Variants in PRAM1 observed in about 807,000 individuals in gnomAD.
The protein encoded by PRAM1 is PML-RARA-regulated adapter molecule 1.
A neutral mutation model predicts 55.3 loss-of-function variants in PRAM1; 41 were observed. That is an observed-to-expected ratio of 0.74 (90% CI 0.58 to 0.96). The LOEUF is 0.96. Ranked by LOEUF, PRAM1 falls within the 40% of genes least tolerant of loss-of-function variation. The pLI is 0.00. For synonymous variants in PRAM1, 401 were observed against 387.1 expected, an observed-to-expected ratio of 1.04 and a Z score of -0.42; for missense variants, 898 against 892.7, an observed-to-expected ratio of 1.01 and a Z score of -0.08.
chr19:8,494,270 T>G (rs7508201), intron 4 of PRAM1, among the ~76,000 whole-genome samples: 117,669 of 152,068 alleles, frequency 0.77, 46,117 homozygotes, highest in African/African-American at 0.88. Flanking sequence ...CTGGGAGTGG[T>G]TGGAGGCAGG....
At position 8,493,765 on chromosome 19, in the gene PRAM1, A is replaced by T. The variant is rs1313575189; in HGVS notation, c.1577-2608T>A. On this transcript the variant is annotated intron_variant, in intron 4 of 9. Coordinates refer to ENST00000423345, the MANE Select transcript of PRAM1 (RefSeq NM_032152.5). This position sits in a 1 kb window ranked among gnomAD's most constrained non-coding sequence, Gnocchi z 4.1. ...CAGTGAGAAGCCCACGCCACTCCTG[A>T]GAAGCGGGAGATCCAGGGAAGTGGG... Among the ~76,000 whole-genome samples, 1 of 151,988 alleles carries T rather than the reference A, an allele frequency of 6.6e-6. No individual in the cohort carries two copies. The highest frequency in any genetic ancestry group is 2.4e-5 in the African/African-American group (1 of 41,386).
rs1406986944 is a variant in PRAM1, at chr19:8,501,901, G to C, written c.27+664C>G. Among the ~76,000 whole-genome samples the C allele has an allele frequency of 2.0e-5, 3 of 152,150 alleles. No homozygotes were observed. The East Asian group carries it at 5.8e-4, about 29-fold the overall frequency. ...TGGCCCTGCAACCACTCCTCACAGA[G>C]GTAGGCAGATTCACAAGAAGGCCAG... is the stretch of plus-strand genomic sequence containing the variant. On this transcript the variant is annotated intron_variant, in intron 1 of 9. Coordinates refer to ENST00000423345, the MANE Select transcript of PRAM1 (RefSeq NM_032152.5).
At chr19:8,492,531 AC>A (rs2145785964) in intron 4 of PRAM1, among the ~76,000 whole-genome samples, 1 of 151,652 alleles carries the variant, frequency 6.6e-6, no homozygotes, top group South Asian at 2.1e-4. Context: ...TGCTGGGATT[AC>A]AGGCCTGAGC....
rs771322334 is a variant in PRAM1, at chr19:8,497,846, G to T, written c.1500-6C>A. The T allele has an allele frequency of 1.3e-6, 2 of 1,574,808 alleles. No individual in the cohort carries two copies. The highest frequency in any genetic ancestry group is 1.2e-5 in the South Asian group (1 of 86,702). The stretch of plus-strand genomic sequence containing the variant: ...CGTAGATCTCATCTGGGACCCTGCG[G>T]GGATACCTGAGATGAGGCCTCTTCT... On this transcript the variant is annotated splice_polypyrimidine_tract_variant and splice_region_variant and intron_variant, in intron 3 of 9. Transcript: ENST00000423345.
rs1040383321 is a variant in PRAM1, at chr19:8,493,900, C to T, written c.1577-2743G>A. ...GCAGCCTCCATCTCCTGGATTCAAGCGATCCTCCCACCTCAGCCTCCCCAG... is the reference window on the plus strand; with the variant it reads ...GCAGCCTCCATCTCCTGGATTCAAGTGATCCTCCCACCTCAGCCTCCCCAG... On this transcript the variant is annotated intron_variant, in intron 4 of 9. Coordinates refer to ENST00000423345, the MANE Select transcript of PRAM1 (RefSeq NM_032152.5). The surrounding 1 kb of genome is among the most constrained non-coding windows in gnomAD (Gnocchi z 4.1). Among the ~76,000 whole-genome samples the T allele has an allele frequency of 3.3e-5, 5 of 152,012 alleles. No individual in the cohort carries two copies. The highest frequency in any genetic ancestry group is 2.0e-4 in the Admixed American group (3 of 15,250).
intron 1 of PRAM1, 27 bp from the exon 2 acceptor site, chr19:8,499,807 G>C: frequency 6.5e-7 from 1 of 1,548,274 alleles, no homozygotes. Flanking sequence ...CAATGAGGCA[G>C]GGGCTCAAAC....
In PRAM1 at chr19:8,500,208, A is replaced by G. The variant is rs537199465; in HGVS notation, c.28-428T>C. 8.7e-5 allele frequency among the ~76,000 whole-genome samples: 13 copies of G among 149,364 alleles called. No homozygotes were observed. In the South Asian group the frequency reaches 1.7e-3, roughly 20 times the overall value. On this transcript the variant is annotated intron_variant, in intron 1 of 9. Transcript: ENST00000423345. ...TGCAGCTTGCAACTCCTGGGCTCCA[A>G]TGATTCCCCCGACCTCGGCCTCCCC...
At chr19:8,491,196 C>T (rs373249904) in intron 4 of PRAM1, 39 bp from the exon 5 acceptor site, 4 of 1,588,278 alleles carry the variant, frequency 2.5e-6, no homozygotes, top group African/African-American at 1.3e-5. Flanking sequence ...GCAGGGCCCG[C>T]CGGCTCAGCC....
Position 8,498,700 on chromosome 19 carries a change from G to A in PRAM1, c.1108C>T (p.Pro370Ser). Reference protein sequence around the residue: ...PEPSAVLKRHPQPEFFGDLPR... With the variant: ...PEPSAVLKRHSQPEFFGDLPR... ...AGATCACCGAAGAACTCAGGCTGCG[G>A]GTGTCTCTTGAGGACAGCGCTGGGC... Residue 370 changes from proline (P) to serine (S), a missense_variant, in exon 2 of 10, where the codon CCG becomes TCG. Around this residue, in one of 4 missense-constraint regions of PRAM1, gnomAD observed 787 missense variants for 735.4 expected, o/e 1.07. Transcript: ENST00000423345. 1 of 1,600,848 alleles carries A rather than the reference G, an allele frequency of 6.2e-7. No individual in the cohort carries two copies. Among genetic ancestry groups the A allele is most frequent in the African/African-American group, 1.3e-5 (1 of 74,760 alleles).
chr19:8,492,687 G>A (rs775623320), intron 4 of PRAM1, among the ~76,000 whole-genome samples: 21 of 152,102 alleles, frequency 1.4e-4, no homozygotes, highest in Non-Finnish European at 2.4e-4. Context: ...GCACAGGAGG[G>A]CAATGATAGT....
In PRAM1 at chr19:8,494,375, C is replaced by T. The variant is rs146947297; in HGVS notation, c.1577-3218G>A. On this transcript the variant is annotated intron_variant, in intron 4 of 9. Coordinates refer to ENST00000423345, the MANE Select transcript of PRAM1 (RefSeq NM_032152.5). ...CCAAGCCACAGAGCCTCCCCTAGAG[C>T]GGAAGCAGAAGGGGCCCCACCAGGA... 3.2e-3 allele frequency among the ~76,000 whole-genome samples: 483 copies of T among 152,292 alleles called. 2 individuals carry two copies. The highest frequency in any genetic ancestry group is 4.1e-3 in the Non-Finnish European group (280 of 68,020).
At chr19:8,496,998 C>T (rs551753633) in intron 4 of PRAM1, among the ~76,000 whole-genome samples, 183 of 151,870 alleles carry the variant, frequency 1.2e-3, no homozygotes, top group African/African-American at 4.1e-3. Context: ...TGCACTACAG[C>T]CTGGGTGACA....
At chr19:8,501,507 A>T (rs1302475413) in intron 1 of PRAM1, among the ~76,000 whole-genome samples, 20 of 102,802 alleles carry the variant, frequency 1.9e-4, no homozygotes, top group South Asian at 6.5e-4. Context: ...ATGTGTCTTG[A>T]TTTTTTTTTT....
chr19:8,490,116 G>A lies in PRAM1; in HGVS notation c.*73C>T, dbSNP rs1190172387. The A allele has an allele frequency of 1.7e-5, 24 of 1,420,560 alleles. No homozygotes were observed. Among genetic ancestry groups the A allele is most frequent in the Middle Eastern group, 4.1e-4 (2 of 4,846 alleles). 88.0% of individuals were successfully genotyped at this position (1,420,560 alleles called of 1,614,324 possible). ...GCCCAGGCAGCTCTGTGACTTTCCC[G>A]CGCCGGGATCCAGGGCTCCTGGGTG... On this transcript the variant is annotated 3_prime_UTR_variant, in exon 10 of 10. Coordinates refer to ENST00000423345, the MANE Select transcript of PRAM1 (RefSeq NM_032152.5). This position sits in a 1 kb window ranked among gnomAD's most constrained non-coding sequence, Gnocchi z 7.3.
At chr19:8,498,319 C>G in intron 2 of PRAM1, 30 bp from the exon 3 acceptor site, 1 of 1,604,782 alleles carries the variant, frequency 6.2e-7, no homozygotes, top group Non-Finnish European at 8.5e-7. Context: ...GCAGGGAAGC[C>G]GGCACTGCCT....
intron 4 of PRAM1, among the ~76,000 whole-genome samples, chr19:8,492,235 GT>G (rs35488462): frequency 6.3e-5 from 9 of 142,858 alleles, no homozygotes; most frequent in African/African-American, 1.6e-4. Flanking sequence ...GTGCCTAGCC[GT>G]TTTTTTTTTT....
At chr19:8,491,479 C>T (rs7408912) in intron 4 of PRAM1, 145,505 of 443,542 alleles carry the variant, frequency 0.33, 26,649 homozygotes, top group Non-Finnish European at 0.4. Context: ...GCAATCCACT[C>T]GCCTCGGCCT....
chr19:8,498,287 G>T lies in PRAM1; in HGVS notation c.1435C>A (p.Leu479Ile). The T allele has an allele frequency of 6.2e-7, 1 of 1,611,886 alleles. No individual in the cohort carries two copies. Residue 479 changes from leucine to isoleucine, a missense_variant and splice_region_variant, in exon 3 of 10, where the codon CTA becomes ATA. By Grantham distance (5) the Leu-to-Ile change is conservative (BLOSUM62 2). Coordinates refer to ENST00000423345, the MANE Select transcript of PRAM1 (RefSeq NM_032152.5). ...CCAGCGGCCGAGCGGGTCCTCCGTA[G>T]ATCTGTGGGGTAGAGAGTAGGGCAG... The part of the protein sequence containing the change: ...FRRPSAASID[L>I]RRTRSAAGLH...
In PRAM1 at chr19:8,499,033, A is replaced by G. The variant is rs1004931629; in HGVS notation, c.775T>C (p.Ser259Pro). 1 of 1,613,424 alleles carries G rather than the reference A, an allele frequency of 6.2e-7. No individual in the cohort carries two copies. Among genetic ancestry groups the G allele is most frequent in the Middle Eastern group, 1.7e-4 (1 of 6,060 alleles). The change falls in exon 2 of 10, where the codon TCC becomes CCC. Residue 259 changes from serine to proline, a missense_variant. Physicochemically the swap from Ser to Pro is moderately conservative, Grantham distance 74. Transcript: ENST00000423345. ...AAQTPLWKPQ[S>P]SEPKRDSSAF... ...CTGGAGTCGCGCTTCGGCTCGCTGG[A>G]CTGAGGCTTCCAGAGGGGAGTCTGA... is the stretch of plus-strand genomic sequence containing the variant.
Sources: gnomAD v4.1 joint callset for allele counts (sites outside exome capture counted in the v4.1 genomes callset) on GRCh38, gnomAD v4.1.1 for gene constraint, gnomAD v4.1.1 regional missense constraint, Gnocchi (gnomAD v3.1) non-coding constraint, MANE v1.5 for transcripts, NCBI Gene and HGNC (gene_info 2026-07-23, HGNC 2026-07-21) for gene names.